The following OSCP1 variants were observed in gnomAD, a reference collection of about 807,000 sequenced individuals.
OSCP1 encodes the protein organic solute carrier partner 1.
In OSCP1, 35 loss-of-function variants were observed where a neutral mutation model predicts 45.1. The ratio of observed to expected loss-of-function variants is 0.78; its 90% confidence interval spans 0.59 to 1.03. The LOEUF is 1.03. Ranked by LOEUF, OSCP1 falls within the 50% of genes least tolerant of loss-of-function variation. OSCP1 has a pLI of 0.00. For synonymous variants in OSCP1, 179 were observed against 180.1 expected (o/e 0.99, Z 0.05); for missense variants, 400 against 470.7 (o/e 0.85, Z 1.39).
rs1413511009 is a variant in OSCP1 at position 36,434,819 on chromosome 1, A to G, written c.268-2230T>C. ...AACAGGAATAGCCTGGTGTGTGTGC[A>G]TGGGGATTGGGAAAGTACAATACTG... On this transcript the variant is annotated intron_variant, in intron 2 of 9. Transcript: ENST00000235532. 3.3e-5 allele frequency among the ~76,000 whole-genome samples: 5 copies of G among 151,420 alleles called. No individual in the cohort carries two copies. The East Asian group carries it at 5.8e-4, about 18-fold the overall frequency.
chr1:36,439,345 ACCC>A (rs1469630479), intron 1 of OSCP1, among the ~76,000 whole-genome samples: 1 of 152,050 alleles, frequency 6.6e-6, no homozygotes, highest in African/African-American at 2.4e-5. Context: ...ACATAGTTAG[ACCC>A]TGTCTCTACC....
At chr1:36,418,353 A>G in intron 9 of OSCP1, 98 bp from the exon 10 acceptor site, 1 of 966,850 alleles carries the variant, frequency 1.0e-6, no homozygotes, top group Non-Finnish European at 1.6e-6. Flanking sequence ...CATGACTGAT[A>G]TGTTTCAGTT....
chr1:36,449,157 C>G (rs1001318775), intron 1 of OSCP1, among the ~76,000 whole-genome samples: 8 of 152,188 alleles, frequency 5.3e-5, no homozygotes, highest in African/African-American at 1.9e-4. Flanking sequence ...GCGGCCATGT[C>G]AATTGCCTTT....
intron 4 of OSCP1, among the ~76,000 whole-genome samples, chr1:36,425,259 A>C (rs1051064309): frequency 2.0e-5 from 3 of 151,964 alleles, no homozygotes; most frequent in Non-Finnish European, 4.4e-5. Context: ...GTGAGCTGGC[A>C]GCTTGGCATA....
chr1:36,437,013 T>C lies in OSCP1; in HGVS notation c.267+1743A>G, dbSNP rs558164627. On this transcript the variant is annotated intron_variant, in intron 2 of 9. Transcript: ENST00000235532. ...GTGAAGTTCCATTTTCATCACATCATGTCAGGGTACATACTGGCAACCTGA... is the reference window on the plus strand; with the variant it reads ...GTGAAGTTCCATTTTCATCACATCACGTCAGGGTACATACTGGCAACCTGA... Among the ~76,000 whole-genome samples, 12 of 152,338 alleles carry C rather than the reference T, an allele frequency of 7.9e-5. No homozygotes were observed. The South Asian group carries it at 8.3e-4, about 11-fold the overall frequency.
intron 7 of OSCP1, among the ~76,000 whole-genome samples, chr1:36,421,374 C>T (rs1647608450): frequency 6.6e-6 from 1 of 152,160 alleles, no homozygotes; most frequent in Non-Finnish European, 1.5e-5. Flanking sequence ...TCCGTGTGCC[C>T]ATTTCTCCCT....
In OSCP1 at chr1:36,419,072, G is replaced by A. The variant is rs1647456612; in HGVS notation, c.960-18C>T. On this transcript the variant is annotated intron_variant, in intron 8 of 9. Transcript: ENST00000235532. ...CTGCTTGTCTGGATGAGATGGTAAAGAAAATGGGTGCAACATTAGGGTTCT... is the reference window on the plus strand; with the variant it reads ...CTGCTTGTCTGGATGAGATGGTAAAAAAAATGGGTGCAACATTAGGGTTCT... 1.9e-6 allele frequency: 3 copies of A among 1,596,668 alleles called. No individual in the cohort carries two copies. In the East Asian group the frequency reaches 6.7e-5, roughly 36 times the overall value.
intron 1 of OSCP1, among the ~76,000 whole-genome samples, chr1:36,446,008 C>T (rs975284154): frequency 8.6e-5 from 13 of 150,842 alleles, no homozygotes; most frequent in African/African-American, 2.4e-4. Context: ...CCATCACACC[C>T]GGCCTGGCAT....
intron 8 of OSCP1, 111 bp downstream of exon 8, chr1:36,420,365 G>T: frequency 7.9e-7 from 1 of 1,261,888 alleles, no homozygotes; most frequent in Non-Finnish European, 1.1e-6. Flanking sequence ...TATTTTATTT[G>T]TGATATTTAC....
At chr1:36,442,305 CTCAACA>C (rs1649251391) in intron 1 of OSCP1, among the ~76,000 whole-genome samples, 3 of 151,262 alleles carry the variant, frequency 2.0e-5, no homozygotes, top group Admixed American at 2.0e-4. Context: ...TAATTGGGTT[CTCAACA>C]TAGCAAGCTT....
chr1:36,437,268 A>AATT (rs376513799), intron 2 of OSCP1, among the ~76,000 whole-genome samples: 12 of 150,652 alleles, frequency 8.0e-5, no homozygotes, highest in African/African-American at 1.5e-4. Context: ...ATTTATGTGG[A>AATT]ATTATTATTA....
chr1:36,423,749 C>T (rs970762329), intron 4 of OSCP1, among the ~76,000 whole-genome samples: 1 of 152,010 alleles, frequency 6.6e-6, no homozygotes, highest in Non-Finnish European at 1.5e-5. Flanking sequence ...TGGTGGGCAC[C>T]TGCAGTCTCA....
Position 36,418,162 on chromosome 1 carries a change from G to C in OSCP1, c.1117C>G (p.Leu373Val). 1 of 1,614,136 alleles carries C rather than the reference G, an allele frequency of 6.2e-7. No individual in the cohort carries two copies. The highest frequency in any genetic ancestry group is 8.5e-7 in the Non-Finnish European group (1 of 1,179,996). ...RLSTSKGDDLLAMMDEL is the reference protein window; with the variant it reads ...RLSTSKGDDLVAMMDEL ...AGCTATAACTCATCCATCATGGCGAGCAAATCGTCCCCTTTGCTGGTGCTC... is the reference window on the plus strand; with the variant it reads ...AGCTATAACTCATCCATCATGGCGACCAAATCGTCCCCTTTGCTGGTGCTC... The change falls in exon 10 of 10, where the codon CTC becomes GTC. Residue 373 changes from leucine to valine, a missense_variant. Coordinates refer to ENST00000235532, the MANE Select transcript of OSCP1 (RefSeq NM_145047.5).
chr1:36,424,456 T>TTCC (rs1488877343), intron 4 of OSCP1, among the ~76,000 whole-genome samples: 2 of 152,230 alleles, frequency 1.3e-5, no homozygotes, highest in African/African-American at 2.4e-5. Flanking sequence ...CCTTGAGCTG[T>TTCC]AAGAACCTCA....
intron 9 of OSCP1, 38 bp downstream of exon 9, chr1:36,418,953 C>A: frequency 6.8e-7 from 1 of 1,479,038 alleles, no homozygotes. Context: ...GATGAGGAAG[C>A]GAATACGATT....
At chr1:36,430,680 A>G (rs1249723050) in intron 4 of OSCP1, among the ~76,000 whole-genome samples, 1 of 152,132 alleles carries the variant, frequency 6.6e-6, no homozygotes, top group African/African-American at 2.4e-5. Flanking sequence ...TTTGAGACGG[A>G]GTCTCCCTCT....
At chr1:36,437,752 C>A (rs1648845089) in intron 2 of OSCP1, among the ~76,000 whole-genome samples, 1 of 152,112 alleles carries the variant, frequency 6.6e-6, no homozygotes, top group Admixed American at 6.5e-5. Context: ...CTCCTGACAT[C>A]AAGTGATCCG....
chr1:36,422,890 G>T lies in OSCP1; in HGVS notation c.627C>A (p.Phe209Leu). 1.2e-6 allele frequency: 2 copies of T among 1,602,328 alleles called. No homozygotes were observed. The highest frequency in any genetic ancestry group is 2.2e-5 in the South Asian group (2 of 89,082). ...GTEVPGLIRM[F>L]NNKGEEVKRI... Reference sequence around the variant, plus strand: ...TCTTCACTTCTTCACCTTTGTTGTTGAACATTCTACAATACAAAGTATGAC... The same window carrying T: ...TCTTCACTTCTTCACCTTTGTTGTTTAACATTCTACAATACAAAGTATGAC... Residue 209 changes from phenylalanine (F) to leucine (L), a missense_variant, in exon 6 of 10, where the codon TTC (phenylalanine) becomes TTA (leucine). Transcript: ENST00000235532.
intron 1 of OSCP1, chr1:36,440,731 T>A (rs1008647823): frequency 2.6e-5 from 4 of 152,164 alleles, no homozygotes; most frequent in African/African-American, 9.7e-5. Context: ...CTACATAAAA[T>A]GTAGCATTTG....
Sources: allele counts gnomAD v4.1 joint callset (sites outside exome capture counted in the v4.1 genomes callset), GRCh38; gene constraint gnomAD v4.1.1; transcripts MANE v1.5; gene names NCBI Gene and HGNC (gene_info 2026-07-23, HGNC 2026-07-21).